ASAP1: variants seen among roughly 807,000 people sequenced by gnomAD.
The protein encoded by ASAP1 is ArfGAP with SH3 domain, ankyrin repeat and PH domain 1, also known as arf-GAP with SH3 domain, ANK repeat and PH domain-containing protein 1.
ASAP1 carries 43 observed loss-of-function variants against 145.2 expected under a neutral mutation model. That is an observed-to-expected ratio of 0.30 (90% CI 0.23 to 0.38). ASAP1 has a LOEUF of 0.38. ASAP1 is among the 10% of genes least tolerant of loss of function. The pLI, the probability that ASAP1 is intolerant of heterozygous loss-of-function variation, is 1.00. For synonymous variants in ASAP1, 546 were observed against 515.5 expected (o/e 1.06, Z -0.80); for missense variants, 1,018 against 1,355.3 (o/e 0.75, Z 3.91).
intron 3 of ASAP1, among the ~76,000 whole-genome samples, chr8:130,284,625 G>A (rs572754233): frequency 1.3e-5 from 2 of 151,154 alleles, no homozygotes; most frequent in South Asian, 4.2e-4. Context: ...CAGTGACAAT[G>A]AACCACAGAG....
chr8:130,054,578 T>C lies in ASAP1; in HGVS notation c.*153A>G, dbSNP rs2097399514. On this transcript the variant is annotated 3_prime_UTR_variant, in exon 30 of 30. Transcript: ENST00000518721. ...CTGGTGAAGGCAGAAAACCACAGGA[T>C]ATTTACAACACACATTATATCCCCC... The C allele has an allele frequency of 3.1e-6, 2 of 639,288 alleles. No homozygotes were observed. The highest frequency in any genetic ancestry group is 2.8e-6 in the Non-Finnish European group (1 of 358,176). 39.6% of individuals were successfully genotyped at this position (639,288 alleles called of 1,614,324 possible).
chr8:130,328,899 G>A (rs936290395), intron 3 of ASAP1, among the ~76,000 whole-genome samples: 11 of 152,072 alleles, frequency 7.2e-5, no homozygotes, highest in African/African-American at 1.4e-4. Flanking sequence ...CAAAGTGTTG[G>A]GATTACAGAC....
chr8:130,398,946 T>C (rs970634689), intron 2 of ASAP1, among the ~76,000 whole-genome samples: 2 of 152,150 alleles, frequency 1.3e-5, no homozygotes, highest in African/African-American at 4.8e-5. Context: ...TAACAATAAC[T>C]CTCAATTTGG....
chr8:130,137,035 TAG>T lies in ASAP1; in HGVS notation c.1082_1083del (p.Ser361Ter). ...NGILTISHATSNRQPAKLNLL... is the reference protein window; with the variant it reads ...NGILTISHATXNRQPAKLNLL... ...AGGTTCAACTTGGCTGGTTGCCTGTTAGACTGGAAAAAAAGAGAAAATGGAGA... is the reference window on the plus strand; with the variant it reads ...AGGTTCAACTTGGCTGGTTGCCTGTTACTGGAAAAAAAGAGAAAATGGAGA... On this transcript the variant is annotated frameshift_variant and splice_region_variant, in exon 14 of 30. Transcript: ENST00000518721. LOFTEE classifies it high-confidence loss of function. The T allele has an allele frequency of 6.2e-7, 1 of 1,614,186 alleles. No individual in the cohort carries two copies. Among genetic ancestry groups the T allele is most frequent in the Non-Finnish European group, 8.5e-7 (1 of 1,179,956 alleles).
chr8:130,222,562 T>C (rs995608348), intron 4 of ASAP1, among the ~76,000 whole-genome samples: 9 of 152,218 alleles, frequency 5.9e-5, no homozygotes, highest in Non-Finnish European at 8.8e-5. Flanking sequence ...TCGTGGATAC[T>C]AGAATATTGT....
At chr8:130,360,767 T>C (rs562763852) in intron 2 of ASAP1, 1 of 152,402 alleles carries the variant, frequency 6.6e-6, no homozygotes, top group African/African-American at 2.4e-5. Flanking sequence ...CAGATGATGA[T>C]AGCAGACAGC....
chr8:130,243,864 T>A (rs1046923934), intron 3 of ASAP1, among the ~76,000 whole-genome samples: 1 of 152,190 alleles, frequency 6.6e-6, no homozygotes, highest in African/African-American at 2.4e-5. Context: ...GAAATGATCT[T>A]ATTGTTATGC....
At chr8:130,112,371 A>C (rs781728885) in intron 23 of ASAP1, 49 bp from the exon 24 acceptor site, 2 of 1,557,032 alleles carry the variant, frequency 1.3e-6, no homozygotes, top group Non-Finnish European at 1.8e-6. Context: ...ACCACCCTTC[A>C]TGTGTACAGA....
At chr8:130,072,827 G>GCGCGCGCGCGCGCACGCGCGCA (rs1455885983) in intron 27 of ASAP1, among the ~76,000 whole-genome samples, 1 of 98,404 alleles carries the variant, frequency 1.0e-5, no homozygotes, top group Non-Finnish European at 2.1e-5. Flanking sequence ...GTGTGTGTGC[G>GCGCGCGCGCGCGCACGCGCGCA]CGCGGGGGGG....
At chr8:130,076,115 T>C (rs954185374) in intron 27 of ASAP1, among the ~76,000 whole-genome samples, 1 of 152,208 alleles carries the variant, frequency 6.6e-6, no homozygotes, top group Non-Finnish European at 1.5e-5. Context: ...TAATGTAATG[T>C]CTACAAAATT....
intron 18 of ASAP1, among the ~76,000 whole-genome samples, chr8:130,122,005 C>A (rs2097567001): frequency 1.3e-5 from 2 of 151,994 alleles, no homozygotes; most frequent in Non-Finnish European, 2.9e-5. Context: ...CATGACATAG[C>A]TCAAATATGC....
At chr8:130,139,594 C>T (rs910980046) in intron 13 of ASAP1, among the ~76,000 whole-genome samples, 2 of 151,666 alleles carry the variant, frequency 1.3e-5, no homozygotes, top group East Asian at 1.9e-4. Flanking sequence ...CTAAGCATGA[C>T]GGCGCATGCC....
At chr8:130,315,406 A>C (rs1474267123) in intron 3 of ASAP1, among the ~76,000 whole-genome samples, 1 of 152,178 alleles carries the variant, frequency 6.6e-6, no homozygotes, top group Non-Finnish European at 1.5e-5. Flanking sequence ...AGGAAATAAG[A>C]GCTAGGAACA....
intron 3 of ASAP1, among the ~76,000 whole-genome samples, chr8:130,324,396 A>G (rs1406089642): frequency 6.6e-6 from 1 of 152,234 alleles, no homozygotes; most frequent in African/African-American, 2.4e-5. Flanking sequence ...AAGGTTGAAT[A>G]TCATTAACCA....
intron 4 of ASAP1, 92 bp downstream of exon 4, chr8:130,236,830 T>G: frequency 1.0e-6 from 1 of 957,636 alleles, no homozygotes; most frequent in Non-Finnish European, 1.5e-6. Flanking sequence ...TTGTGTCAAG[T>G]TTCCTATAAA....
intron 13 of ASAP1, among the ~76,000 whole-genome samples, chr8:130,139,317 T>C (rs936295144): frequency 6.6e-6 from 1 of 152,222 alleles, no homozygotes; most frequent in Non-Finnish European, 1.5e-5. Context: ...TACACTCCAA[T>C]TGCAGAAGAT....
At position 130,277,145 on chromosome 8, in the gene ASAP1, G is replaced by A. The variant is rs186200625; in HGVS notation, c.187-40151C>T. Among the ~76,000 whole-genome samples the A allele has an allele frequency of 9.2e-5, 14 of 152,212 alleles. No individual in the cohort carries two copies. The East Asian group carries it at 9.7e-4, about 11-fold the overall frequency. The stretch of plus-strand genomic sequence containing the variant: ...AGATCAGAATCTCCTAGTTGATTAC[G>A]ATGCATGCTCTAGCTGAGGACCACA... On this transcript the variant is annotated intron_variant, in intron 3 of 29. Transcript: ENST00000518721.
chr8:130,069,869 G>C (rs902460445), intron 27 of ASAP1, among the ~76,000 whole-genome samples: 3 of 152,210 alleles, frequency 2.0e-5, no homozygotes, highest in Non-Finnish European at 4.4e-5. Context: ...AAAAGGTCCA[G>C]GGTCCTTTGG....
At chr8:130,058,114 ACTG>A (rs1436276609) in intron 28 of ASAP1, 38 bp from the exon 29 acceptor site, 1 of 1,603,800 alleles carries the variant, frequency 6.2e-7, no homozygotes, top group Admixed American at 1.7e-5. Context: ...GAAAGAATGG[ACTG>A]AATGGAAAAA....
Sources: allele counts gnomAD v4.1 joint callset (sites outside exome capture counted in the v4.1 genomes callset), GRCh38; gene constraint gnomAD v4.1.1; transcripts MANE v1.5; gene names NCBI Gene and HGNC (gene_info 2026-07-23, HGNC 2026-07-21).